ACBD6: variants seen among roughly 807,000 people sequenced by gnomAD.
The protein encoded by ACBD6 is acyl-CoA binding domain containing 6.
A neutral mutation model predicts 37.2 loss-of-function variants in ACBD6; 28 were observed. That is an observed-to-expected ratio of 0.75 (90% confidence interval 0.56 to 1.03). The LOEUF (loss-of-function observed/expected upper bound fraction) is 1.03, where lower values mean the gene tolerates loss of function less well. Ranked by LOEUF, ACBD6 falls within the 50% of genes least tolerant of loss-of-function variation. The pLI is 0.00. For missense variants in ACBD6, 340 were observed against 337.4 expected (o/e 1.01, Z -0.06); for synonymous variants, 113 against 126.8 (o/e 0.89, Z 0.73).
At chr1:180,464,092 A>G (rs1650254076) in intron 3 of ACBD6, among the ~76,000 whole-genome samples, 1 of 152,200 alleles carries the variant, frequency 6.6e-6, no homozygotes, top group Admixed American at 6.5e-5. Flanking sequence ...CCCACAGCCA[A>G]CATTATACTA....
intron 6 of ACBD6, among the ~76,000 whole-genome samples, chr1:180,356,072 C>A (rs917266303): frequency 6.6e-6 from 1 of 151,978 alleles, no homozygotes; most frequent in African/African-American, 2.4e-5. Flanking sequence ...GGGGTTTCAC[C>A]ATATTGGTCA....
chr1:180,378,815 G>A (rs1313388892), intron 6 of ACBD6, among the ~76,000 whole-genome samples: 2 of 152,022 alleles, frequency 1.3e-5, no homozygotes, highest in Non-Finnish European at 2.9e-5. Flanking sequence ...TTGGGCACTG[G>A]CCCACTCCAC....
At chr1:180,416,054 G>A (rs376471913) in intron 4 of ACBD6, among the ~76,000 whole-genome samples, 4 of 151,956 alleles carry the variant, frequency 2.6e-5, no homozygotes, top group African/African-American at 9.7e-5. Context: ...CAATAAATTC[G>A]CCAAAAATGC....
chr1:180,335,425 A>C (rs1651669289), intron 6 of ACBD6, among the ~76,000 whole-genome samples: 1 of 152,174 alleles, frequency 6.6e-6, no homozygotes, highest in Non-Finnish European at 1.5e-5. Context: ...TTCATAAGTG[A>C]AGGAGAAATA....
At chr1:180,454,366 A>C (rs1053463584) in intron 3 of ACBD6, among the ~76,000 whole-genome samples, 8 of 152,220 alleles carry the variant, frequency 5.3e-5, no homozygotes, top group Non-Finnish European at 1.0e-4. Flanking sequence ...CCTTATACAA[A>C]AATTAACTCA....
At chr1:180,443,884 A>AGG (rs1223782035) in intron 3 of ACBD6, among the ~76,000 whole-genome samples, 2 of 151,448 alleles carry the variant, frequency 1.3e-5, no homozygotes, top group Non-Finnish European at 2.9e-5. Flanking sequence ...TGGCCTCCCA[A>AGG]AGTGCTGGGA....
intron 3 of ACBD6, among the ~76,000 whole-genome samples, chr1:180,434,210 G>A (rs1447807991): frequency 1.3e-5 from 2 of 152,072 alleles, no homozygotes; most frequent in Non-Finnish European, 2.9e-5. Flanking sequence ...CATTAAAACA[G>A]AGATCTCACA....
chr1:180,412,460 G>T (rs1019105356), intron 5 of ACBD6, among the ~76,000 whole-genome samples: 2 of 152,142 alleles, frequency 1.3e-5, no homozygotes, highest in African/African-American at 4.8e-5. Context: ...CATCACCAAA[G>T]AATGAGAAAA....
intron 6 of ACBD6, among the ~76,000 whole-genome samples, chr1:180,341,632 C>CT (rs1651989854): frequency 6.6e-6 from 1 of 152,140 alleles, no homozygotes; most frequent in African/African-American, 2.4e-5. Context: ...TGTCTATACT[C>CT]TAATTCCTCC....
chr1:180,502,079 T>C lies in ACBD6; in HGVS notation c.188A>G (p.Glu63Gly). 1.9e-6 allele frequency: 3 copies of C among 1,613,896 alleles called. No homozygotes were observed. Among genetic ancestry groups the C allele is most frequent in the Non-Finnish European group, 2.5e-6 (3 of 1,179,918 alleles). Residue 63 changes from glutamate to glycine, a missense_variant, in exon 1 of 8, where the codon GAG becomes GGG. Coordinates refer to ENST00000367595, the MANE Select transcript of ACBD6 (RefSeq NM_032360.4). ...CCTGGCATACAGGTACAAGAGCTGC[T>C]CCCTGCTGGCCACCTGAATCAGGCC... ...LQGLIQVASREQLLYLYARYK... is the reference protein window; with the variant it reads ...LQGLIQVASRGQLLYLYARYK...
chr1:180,448,161 GGCCTT>G (rs2102022471), intron 3 of ACBD6, among the ~76,000 whole-genome samples: 2 of 152,262 alleles, frequency 1.3e-5, no homozygotes, highest in Admixed American at 1.3e-4. Context: ...TGGCCCTAAT[GGCCTT>G]GTAAAATGGT....
exon 10 of ACBD6, chr1:180,274,841 G>A (rs978958922): frequency 1.2e-5 from 5 of 409,078 alleles, no homozygotes; most frequent in Non-Finnish European, 2.2e-5. Flanking sequence ...GGCTTGTTGG[G>A]TCTCTCCCCT....
At chr1:180,422,731 A>G (rs1648419601) in intron 4 of ACBD6, among the ~76,000 whole-genome samples, 1 of 152,202 alleles carries the variant, frequency 6.6e-6, no homozygotes, top group South Asian at 2.1e-4. Context: ...ATAGTGCTAC[A>G]TACAATGATA....
intron 9 of ACBD6, chr1:180,277,311 C>T (rs1272287832): frequency 6.6e-6 from 1 of 152,202 alleles, no homozygotes; most frequent in Non-Finnish European, 1.5e-5. Context: ...TAGAGGCACT[C>T]CTCTGTTGCT....
intron 3 of ACBD6, among the ~76,000 whole-genome samples, chr1:180,432,587 A>G (rs908259236): frequency 1.3e-5 from 2 of 152,194 alleles, no homozygotes; most frequent in Non-Finnish European, 2.9e-5. Flanking sequence ...CTAAAATCCA[A>G]TATGTCCTTA....
rs781082569 is a variant in ACBD6, at chr1:180,271,513, C to A, written c.*1712G>T. ...GGGAGCAGCTGTCCTCAGAGACAGG[C>A]CTGGACATGAGGGTCGTACAGGTGA... On this transcript the variant is annotated 3_prime_UTR_variant, in exon 14 of 14. Coordinates refer to the ACBD6 transcript ENST00000642319. The A allele has an allele frequency of 6.2e-6, 10 of 1,614,016 alleles. No individual in the cohort carries two copies. Among genetic ancestry groups the A allele is most frequent in the Non-Finnish European group, 7.6e-6 (9 of 1,180,032 alleles).
At position 180,314,685 on chromosome 1, in the gene ACBD6, T is replaced by G. The variant is rs1333295147; in HGVS notation, c.694+7A>C. The stretch of plus-strand genomic sequence containing the variant: ...TATGATTACTTAATAATTTAGAAAC[T>G]TCTTACCATAATGTAGAGCTGTTTG... On this transcript the variant is annotated splice_region_variant and intron_variant, in intron 7 of 7. Coordinates refer to ENST00000367595, the MANE Select transcript of ACBD6 (RefSeq NM_032360.4). 2 of 1,524,004 alleles carry G rather than the reference T, an allele frequency of 1.3e-6. No individual in the cohort carries two copies. Among genetic ancestry groups the G allele is most frequent in the Non-Finnish European group, 1.8e-6 (2 of 1,100,694 alleles). The allele number at this position is 1,524,004 out of a possible 1,614,324, so 94.4% of individuals were successfully genotyped here.
chr1:180,331,216 T>A (rs1279596268), intron 6 of ACBD6, among the ~76,000 whole-genome samples: 1 of 152,178 alleles, frequency 6.6e-6, no homozygotes, highest in Non-Finnish European at 1.5e-5. Flanking sequence ...AAGTACAGTG[T>A]CCCCATCAGG....
chr1:180,278,495 T>G (rs981383833), intron 9 of ACBD6: 1 of 152,098 alleles, frequency 6.6e-6, no homozygotes, highest in Non-Finnish European at 1.5e-5. Context: ...AGTTTCATGC[T>G]GCTAGCTCTG....
Sources: gnomAD v4.1 joint callset for allele counts (sites outside exome capture counted in the v4.1 genomes callset) on GRCh38, gnomAD v4.1.1 for gene constraint, MANE v1.5 for transcripts, NCBI Gene and HGNC (gene_info 2026-07-23, HGNC 2026-07-21) for gene names.